Variants in CCDC150 observed in about 807,000 individuals in gnomAD.
CCDC150 encodes the protein coiled-coil domain-containing protein 150.
A neutral mutation model predicts 156.5 loss-of-function variants in CCDC150; 151 were observed. The ratio of observed to expected loss-of-function variants is 0.97; its 90% CI spans 0.85 to 1.10. The LOEUF (loss-of-function observed/expected upper bound fraction) is 1.10, where lower values mean the gene tolerates loss of function less well. CCDC150 is among the 50% of genes least tolerant of loss of function. CCDC150 has a pLI of 0.00. For synonymous variants in CCDC150, 452 were observed against 429.4 expected, an observed-to-expected ratio of 1.05 and a Z score of -0.65; for missense variants, 1,312 against 1,268.1, an observed-to-expected ratio of 1.03 and a Z score of -0.53.
At chr2:196,683,131 T>A (rs1432248446) in intron 13 of CCDC150, among the ~76,000 whole-genome samples, 1 of 152,134 alleles carries the variant, frequency 6.6e-6, no homozygotes, top group Non-Finnish European at 1.5e-5. Context: ...TTGTCACCAT[T>A]AAGTATGATG....
At chr2:196,665,758 A>G (rs1693809141) in intron 6 of CCDC150, 75 bp downstream of exon 6, 1 of 757,218 alleles carries the variant, frequency 1.3e-6, no homozygotes, top group Non-Finnish European at 2.1e-6. Context: ...CTATAAACTT[A>G]AAATTTTACT....
At chr2:196,672,135 CAGTTTTGATAAAT>C (rs1694240055) in intron 8 of CCDC150, among the ~76,000 whole-genome samples, 197 bp from the exon 9 acceptor site, 2 of 152,044 alleles carry the variant, frequency 1.3e-5, no homozygotes, top group South Asian at 4.2e-4. Context: ...TTTAAATAAA[CAGTTTTGATAAAT>C]AGTTTTGAAA....
intron 5 of CCDC150, 65 bp downstream of exon 5, chr2:196,658,925 A>G (rs1693390625): frequency 8.7e-7 from 1 of 1,144,708 alleles, no homozygotes; most frequent in South Asian, 1.4e-5. Flanking sequence ...AAGAAAGCAG[A>G]GAGAATGAAA....
At chr2:196,642,437 G>A (rs1379708336) in intron 1 of CCDC150, among the ~76,000 whole-genome samples, 1 of 152,202 alleles carries the variant, frequency 6.6e-6, no homozygotes, top group Non-Finnish European at 1.5e-5. Context: ...GGACAGGCAA[G>A]GGTATGAGCA....
chr2:196,688,381 A>G (rs1668823639), intron 13 of CCDC150, among the ~76,000 whole-genome samples: 1 of 152,126 alleles, frequency 6.6e-6, no homozygotes, highest in South Asian at 2.1e-4. Context: ...GAGTTCATTC[A>G]TGATTTGGCT....
intron 13 of CCDC150, among the ~76,000 whole-genome samples, chr2:196,689,263 T>C (rs1248516073): frequency 6.6e-6 from 1 of 152,156 alleles, no homozygotes; most frequent in Non-Finnish European, 1.5e-5. Context: ...TTAAAGTAGT[T>C]TTTTCCAATT....
In CCDC150 at chr2:196,645,266, G is replaced by A. The variant is rs563928241; in HGVS notation, c.13-1075G>A. 2.0e-5 allele frequency among the ~76,000 whole-genome samples: 3 copies of A among 152,316 alleles called. No homozygotes were observed. In the East Asian group the frequency reaches 5.8e-4, roughly 29 times the overall value. ...CATGATTCTTGCTCCCTTAAATCCT[G>A]CCACCAGTCCTCCCACTTCATGAAT... On this transcript the variant is annotated intron_variant, in intron 1 of 27. Transcript: ENST00000389175.
chr2:196,664,885 C>A (rs1011031043), intron 5 of CCDC150, among the ~76,000 whole-genome samples: 1 of 152,006 alleles, frequency 6.6e-6, no homozygotes, highest in Non-Finnish European at 1.5e-5. Flanking sequence ...ATATATATTT[C>A]TTATTATATC....
chr2:196,665,394 A>AG (rs1693782309), intron 5 of CCDC150, among the ~76,000 whole-genome samples, 173 bp from the exon 6 acceptor site: 1 of 152,264 alleles, frequency 6.6e-6, no homozygotes, highest in Admixed American at 6.5e-5. Context: ...ATTCCTTAGG[A>AG]GGTAATCCTA....
At chr2:196,712,118 T>C (rs1697167752) in intron 15 of CCDC150, 27 bp from the exon 16 acceptor site, 1 of 1,154,930 alleles carries the variant, frequency 8.7e-7, no homozygotes, top group Middle Eastern at 2.5e-4. Flanking sequence ...TTTTAAAATT[T>C]TTTTTGTATT....
At chr2:196,664,171 G>C (rs977406804) in intron 5 of CCDC150, among the ~76,000 whole-genome samples, 5 of 152,066 alleles carry the variant, frequency 3.3e-5, no homozygotes, top group Non-Finnish European at 7.4e-5. Context: ...AAGAAATTCT[G>C]TTCTTCAGTG....
chr2:196,720,302 T>C, intron 19 of CCDC150: 1 of 404,548 alleles, frequency 2.5e-6, no homozygotes, highest in South Asian at 2.9e-5. Flanking sequence ...TGAAAGTATA[T>C]TGCCTTTGCA....
chr2:196,729,746 G>GT (rs1191669848), intron 23 of CCDC150, 47 bp from the exon 24 acceptor site: 7 of 1,327,798 alleles, frequency 5.3e-6, no homozygotes, highest in Non-Finnish European at 7.3e-6. Flanking sequence ...GAGCAAGCCA[G>GT]TTTTTCCACT....
At chr2:196,689,336 A>G (rs1695302698) in intron 13 of CCDC150, among the ~76,000 whole-genome samples, 1 of 152,102 alleles carries the variant, frequency 6.6e-6, no homozygotes, top group Non-Finnish European at 1.5e-5. Flanking sequence ...TACCTTGGGC[A>G]GTATGGCCAT....
At position 196,724,710 on chromosome 2, in the gene CCDC150, C is replaced by G. The variant is rs1473009781; in HGVS notation, c.2430-1263C>G. ...AGTCTTAATCATTTTGATATAATCACAATAAATTTAAAGGCAATTTAGAAA... is the reference window on the plus strand; with the variant it reads ...AGTCTTAATCATTTTGATATAATCAGAATAAATTTAAAGGCAATTTAGAAA... On this transcript the variant is annotated intron_variant, in intron 21 of 27. Coordinates refer to ENST00000389175, the MANE Select transcript of CCDC150 (RefSeq NM_001080539.2). Among the ~76,000 whole-genome samples, 4 of 152,136 alleles carry G rather than the reference C, an allele frequency of 2.6e-5. No homozygotes were observed. In the East Asian group the frequency reaches 7.7e-4, roughly 29 times the overall value.
intron 5 of CCDC150, among the ~76,000 whole-genome samples, chr2:196,660,672 T>G (rs1693506447): frequency 6.6e-6 from 1 of 152,214 alleles, no homozygotes; most frequent in Non-Finnish European, 1.5e-5. Context: ...TATTGTTATG[T>G]TTTAAGACTT....
At chr2:196,644,003 C>T (rs2125563793) in intron 1 of CCDC150, among the ~76,000 whole-genome samples, 1 of 152,222 alleles carries the variant, frequency 6.6e-6, no homozygotes, top group Non-Finnish European at 1.5e-5. Flanking sequence ...ATCCTTGGCT[C>T]TTCGTTTATA....
At chr2:196,668,515 A>G (rs948367807) in intron 7 of CCDC150, among the ~76,000 whole-genome samples, 2 of 152,196 alleles carry the variant, frequency 1.3e-5, no homozygotes, top group Admixed American at 6.5e-5. Context: ...TAAAACAACA[A>G]TAATTCAAAC....
intron 13 of CCDC150, among the ~76,000 whole-genome samples, chr2:196,678,429 C>G (rs761679086): frequency 1.8e-4 from 27 of 152,186 alleles, no homozygotes; most frequent in Non-Finnish European, 3.4e-4. Flanking sequence ...TACCACCAAG[C>G]TAGCAGGTGC....
Sources: gnomAD v4.1 joint callset for allele counts (sites outside exome capture counted in the v4.1 genomes callset) on GRCh38, gnomAD v4.1.1 for gene constraint, MANE v1.5 for transcripts, NCBI Gene and HGNC (gene_info 2026-07-23, HGNC 2026-07-21) for gene names.